The following BCR variants were observed in gnomAD, a reference collection of about 807,000 sequenced individuals.
The protein encoded by BCR is BCR activator of RhoGEF and GTPase.
A neutral mutation model predicts 138.6 loss-of-function variants in BCR; 58 were observed. That is an observed-to-expected ratio of 0.42 (90% CI 0.34 to 0.52). The LOEUF is 0.52. Ranked by LOEUF, BCR falls within the 20% of genes least tolerant of loss-of-function variation. The pLI, the probability that BCR is intolerant of heterozygous loss-of-function variation, is 0.06. For missense variants in BCR, 1,599 were observed against 1,727.2 expected, an observed-to-expected ratio of 0.93 and a Z score of 1.32; for synonymous variants, 786 against 730.1, an observed-to-expected ratio of 1.08 and a Z score of -1.23.
rs368877041 is a variant in BCR, at chr22:23,227,085, A to G, written c.1280-26714A>G. On this transcript the variant is annotated intron_variant, in intron 1 of 22. Coordinates refer to ENST00000305877, the MANE Select transcript of BCR (RefSeq NM_004327.4). ...AAAAAAAATTCCTTCAAAGCCAAAA[A>G]CCATGCAAATATGGAGCTGCCTGAC... Among the ~76,000 whole-genome samples the G allele has an allele frequency of 1.3e-4, 20 of 152,314 alleles. No homozygotes were observed. The East Asian group carries it at 1.7e-3, about 13-fold the overall frequency.
rs184145529 is a variant in BCR at position 23,309,130 on chromosome 22, C to T, written c.3013-294C>T. The stretch of plus-strand genomic sequence containing the variant: ...ACATAGCACCCGTGGTGATGGAAGC[C>T]GGATGGAGAGAGCCTGCCAGCCTGC... On this transcript the variant is annotated intron_variant, in intron 16 of 22. Coordinates refer to ENST00000305877, the MANE Select transcript of BCR (RefSeq NM_004327.4). Among the ~76,000 whole-genome samples, 8 of 151,954 alleles carry T rather than the reference C, an allele frequency of 5.3e-5. No individual in the cohort carries two copies. In the East Asian group the frequency reaches 9.8e-4, roughly 19 times the overall value.
At chr22:23,311,420 A>T (rs1202797805) in intron 18 of BCR, among the ~76,000 whole-genome samples, 1 of 151,716 alleles carries the variant, frequency 6.6e-6, no homozygotes, top group Admixed American at 6.6e-5. Flanking sequence ...TCCCGTGCTG[A>T]CTTGACATAG....
chr22:23,234,465 AGGGGACT>A (rs1454900866), intron 1 of BCR, among the ~76,000 whole-genome samples: 3 of 152,106 alleles, frequency 2.0e-5, no homozygotes, highest in Non-Finnish European at 2.9e-5. Flanking sequence ...AGAAGTTTTG[AGGGGACT>A]GGTGCCTGGA....
At chr22:23,208,798 C>T (rs1011030822) in intron 1 of BCR, among the ~76,000 whole-genome samples, 5 of 151,952 alleles carry the variant, frequency 3.3e-5, no homozygotes, top group African/African-American at 9.7e-5. Flanking sequence ...GAGGTTGCAG[C>T]GAACTGAGAT....
chr22:23,230,573 C>A (rs771405926), intron 1 of BCR, among the ~76,000 whole-genome samples: 7 of 152,254 alleles, frequency 4.6e-5, no homozygotes, highest in Non-Finnish European at 1.0e-4. Context: ...CTGCCTCCTG[C>A]TGGTTTATTC....
At position 23,290,672 on chromosome 22, in the gene BCR, C is replaced by T. The variant is rs1050428406; in HGVS notation, c.2782+259C>T. On this transcript the variant is annotated intron_variant, in intron 14 of 22. Coordinates refer to ENST00000305877, the MANE Select transcript of BCR (RefSeq NM_004327.4). ...GGTGAGCTGCCCCCTGCAGGTGGAT[C>T]GAGTAATTGCAGGGGTTTGGCAAGG... 4.0e-5 allele frequency: 20 copies of T among 495,434 alleles called. No individual in the cohort carries two copies. In the East Asian group the frequency reaches 6.4e-4, roughly 16 times the overall value. 30.7% of individuals were successfully genotyped at this position (495,434 alleles called of 1,614,324 possible). A position where few individuals can be genotyped will look rare whatever the true frequency, so the allele number is the denominator to read the frequency against.
chr22:23,253,872 T>C lies in BCR; in HGVS notation c.1353T>C (p.Asp451=). The change falls in exon 2 of 23, where the codon GAT becomes GAC. Residue 451 remains aspartate (D), a synonymous_variant. Transcript: ENST00000305877. ...CAGAGGAGCAGCGCCGGCACCAAGA[T>C]GGGCTGCCCTACATTGATGACTCGC... ...DRAEEQRRHQ[D]GLPYIDDSPS... 1.9e-6 allele frequency: 3 copies of C among 1,612,914 alleles called. No individual in the cohort carries two copies. Among genetic ancestry groups the C allele is most frequent in the Non-Finnish European group, 2.5e-6 (3 of 1,179,916 alleles).
chr22:23,209,634 C>A lies in BCR; in HGVS notation c.1279+27395C>A, dbSNP rs373327569. Among the ~76,000 whole-genome samples the A allele has an allele frequency of 2.0e-5, 3 of 152,050 alleles. No homozygotes were observed. The East Asian group carries it at 5.9e-4, about 30-fold the overall frequency. On this transcript the variant is annotated intron_variant, in intron 1 of 22. Transcript: ENST00000305877. ...TCTCGGCTCACTGCAACCTCCCCTG[C>A]CTCCCGGGTTCACACCATTCTGCCT... is the stretch of plus-strand genomic sequence containing the variant.
chr22:23,313,160 A>T, intron 20 of BCR, 139 bp downstream of exon 20: 1 of 1,100,636 alleles, frequency 9.1e-7, no homozygotes. Flanking sequence ...CAACCTCAAA[A>T]AGCAGGGGAC....
At chr22:23,214,820 A>G (rs911016303) in intron 1 of BCR, among the ~76,000 whole-genome samples, 2 of 152,184 alleles carry the variant, frequency 1.3e-5, no homozygotes, top group African/African-American at 4.8e-5. Flanking sequence ...ATGATGAACT[A>G]TACATAATGT....
At chr22:23,211,219 A>G (rs2072677781) in intron 1 of BCR, among the ~76,000 whole-genome samples, 1 of 152,148 alleles carries the variant, frequency 6.6e-6, no homozygotes, top group Non-Finnish European at 1.5e-5. Flanking sequence ...TTTTGTTGAG[A>G]CGGAGTCTTG....
chr22:23,306,566 A>G (rs1253555123), intron 16 of BCR, among the ~76,000 whole-genome samples: 1 of 152,194 alleles, frequency 6.6e-6, no homozygotes, highest in African/African-American at 2.4e-5. Flanking sequence ...TTTAGAGGAG[A>G]TGGAGACACG....
intron 1 of BCR, among the ~76,000 whole-genome samples, chr22:23,228,521 A>G (rs1425831371): frequency 5.9e-5 from 9 of 152,212 alleles, no homozygotes; most frequent in Admixed American, 5.9e-4. Context: ...ACTACCTTAT[A>G]GTTCTGGCCA....
intron 2 of BCR, among the ~76,000 whole-genome samples, chr22:23,256,470 C>T (rs2073296353): frequency 6.6e-6 from 1 of 152,170 alleles, no homozygotes; most frequent in African/African-American, 2.4e-5. Flanking sequence ...GAGGCCAGCC[C>T]CTTGCCCTCT....
intron 2 of BCR, among the ~76,000 whole-genome samples, chr22:23,255,024 A>G (rs1271747871): frequency 6.6e-6 from 1 of 152,136 alleles, no homozygotes; most frequent in African/African-American, 2.4e-5. Context: ...GCAAGACCCT[A>G]TCTTTAAAAA....
chr22:23,296,435 T>G (rs1187692312), intron 16 of BCR, among the ~76,000 whole-genome samples: 1 of 151,090 alleles, frequency 6.6e-6, no homozygotes, highest in Non-Finnish European at 1.5e-5. Flanking sequence ...AGGGTGGCTC[T>G]TCCCTGAGTC....
At chr22:23,216,327 C>T (rs2072751471) in intron 1 of BCR, among the ~76,000 whole-genome samples, 1 of 152,206 alleles carries the variant, frequency 6.6e-6, no homozygotes, top group Non-Finnish European at 1.5e-5. Context: ...GCAGTAATTC[C>T]ACCCTAGGGC....
chr22:23,284,704 TG>T (rs1384429519), intron 9 of BCR, among the ~76,000 whole-genome samples: 3 of 152,134 alleles, frequency 2.0e-5, no homozygotes, highest in African/African-American at 7.2e-5. Flanking sequence ...TTTACGGCCC[TG>T]GGGGTGGATT....
intron 1 of BCR, among the ~76,000 whole-genome samples, chr22:23,196,255 A>G (rs1232818595): frequency 6.6e-6 from 1 of 152,084 alleles, no homozygotes; most frequent in African/African-American, 2.4e-5. Context: ...GTAGGCAGAT[A>G]AGAAGGTGGC....
Sources: allele counts gnomAD v4.1 joint callset (sites outside exome capture counted in the v4.1 genomes callset), GRCh38; gene constraint gnomAD v4.1.1; transcripts MANE v1.5; gene names NCBI Gene and HGNC (gene_info 2026-07-23, HGNC 2026-07-21).